Variants in ZEB2 observed in about 807,000 individuals in gnomAD.
ZEB2 encodes zinc finger E-box-binding homeobox 2.
ZEB2 carries 6 observed loss-of-function variants against 99.9 expected under a neutral mutation model. That is an observed-to-expected ratio of 0.06 (90% CI 0.03 to 0.12). ZEB2 has a LOEUF of 0.12. ZEB2 is among the 10% of genes least tolerant of loss of function. The pLI is 1.00. For synonymous variants in ZEB2, 517 were observed against 542.5 expected, an observed-to-expected ratio of 0.95 and a Z score of 0.65; for missense variants, 969 against 1,502.8, an observed-to-expected ratio of 0.64 and a Z score of 5.87.
At chr2:144,514,701 C>A (rs932012509) in intron 2 of ZEB2, among the ~76,000 whole-genome samples, 2 of 152,160 alleles carry the variant, frequency 1.3e-5, no homozygotes, top group South Asian at 2.1e-4. Context: ...AAAACACTTA[C>A]AATAACCAGT....
At chr2:144,489,127 A>G (rs183244608) in intron 2 of ZEB2, among the ~76,000 whole-genome samples, 1 of 152,332 alleles carries the variant, frequency 6.6e-6, no homozygotes, top group Non-Finnish European at 1.5e-5. Flanking sequence ...TATTTAACAT[A>G]AAGTTTATGT....
intron 4 of ZEB2, among the ~76,000 whole-genome samples, chr2:144,408,280 T>A (rs1470125899): frequency 6.6e-6 from 1 of 152,236 alleles, no homozygotes; most frequent in East Asian, 1.9e-4. Context: ...TTAACACTAA[T>A]CTTGGTGTAG....
intron 2 of ZEB2, chr2:144,448,624 A>C (rs1411209483): frequency 6.6e-6 from 1 of 152,292 alleles, no homozygotes; most frequent in African/African-American, 2.4e-5. Context: ...TGATATAATT[A>C]CTAGAGGCTA....
intron 1 of ZEB2, chr2:144,519,399 T>A (rs1486082006): frequency 1.3e-5 from 2 of 152,678 alleles, no homozygotes; most frequent in African/African-American, 2.4e-5. Flanking sequence ...GACAACTTTC[T>A]GCTTAGAAAA....
chr2:144,407,533 T>G (rs1409331237), intron 4 of ZEB2, among the ~76,000 whole-genome samples: 1 of 152,224 alleles, frequency 6.6e-6, no homozygotes, highest in Non-Finnish European at 1.5e-5. Flanking sequence ...CTCATTGTTT[T>G]GGATCATCAA....
intron 2 of ZEB2, among the ~76,000 whole-genome samples, chr2:144,474,950 T>A (rs558756477): frequency 6.6e-6 from 1 of 152,196 alleles, no homozygotes; most frequent in Non-Finnish European, 1.5e-5. Context: ...TCAACAAGCA[T>A]GGGAAATTTT....
rs1306045887 is a variant in ZEB2 at position 144,429,929 on chromosome 2, G to T, written c.171C>A (p.Asp57Glu). ...GCACACTAGCTGGACTCGTCTCCTG[G>T]TCCAGAGGGTTGGCAATACCGTCAT... The part of the protein sequence containing the change: ...AEDDGIANPL[D>E]QETSPASVPN... Residue 57 changes from aspartate to glutamate, a missense_variant, in exon 3 of 10, where the codon GAC becomes GAA. Transcript: ENST00000627532. 5 of 1,613,718 alleles carry T rather than the reference G, an allele frequency of 3.1e-6. No individual in the cohort carries two copies. The South Asian group carries it at 5.5e-5, about 18-fold the overall frequency.
chr2:144,461,790 CA>C (rs1177970412), intron 2 of ZEB2: 1 of 151,980 alleles, frequency 6.6e-6, no homozygotes, highest in Non-Finnish European at 1.5e-5. Flanking sequence ...CAGGTTTCTA[CA>C]GCAACTAGTT....
chr2:144,434,599 A>G (rs1703813584), intron 2 of ZEB2, among the ~76,000 whole-genome samples: 2 of 152,178 alleles, frequency 1.3e-5, no homozygotes, highest in Non-Finnish European at 2.9e-5. Context: ...TAAACCCCAC[A>G]TGACCAGAGT....
At chr2:144,407,109 T>C (rs1703398175) in intron 4 of ZEB2, among the ~76,000 whole-genome samples, 1 of 152,162 alleles carries the variant, frequency 6.6e-6, no homozygotes, top group Non-Finnish European at 1.5e-5. Context: ...TAAACAAATA[T>C]ATGGGACCAA....
At chr2:144,396,339 G>A in intron 9 of ZEB2, 73 bp downstream of exon 9, 2 of 1,548,586 alleles carry the variant, frequency 1.3e-6, no homozygotes, top group East Asian at 4.5e-5. Context: ...TGTTGCACAA[G>A]TGTGCTCATT....
At position 144,425,062 on chromosome 2, in the gene ZEB2, T is replaced by C. The variant is rs150108009; in HGVS notation, c.332-195A>G. On this transcript the variant is annotated intron_variant, in intron 3 of 9. Coordinates refer to ENST00000627532, the MANE Select transcript of ZEB2 (RefSeq NM_014795.4). ...TAGCTGCACAAGAACTTATTTACTT[T>C]AAGCATTACTGCAAGCTGTGAAAAA... The C allele has an allele frequency of 2.5e-3, 1,525 of 600,532 alleles. 4 individuals carry two copies. Among genetic ancestry groups the C allele is most frequent in the Middle Eastern group, 8.6e-3 (19 of 2,218 alleles). 37.2% of individuals were successfully genotyped at this position (600,532 alleles called of 1,614,324 possible). A position where few individuals can be genotyped will look rare whatever the true frequency, so the allele number is the denominator to read the frequency against.
chr2:144,487,463 A>G (rs776094433), intron 2 of ZEB2, among the ~76,000 whole-genome samples: 1 of 152,196 alleles, frequency 6.6e-6, no homozygotes. Context: ...GCCATAAAAC[A>G]GGCAAAAAAG....
Position 144,400,078 on chromosome 2 carries a change from C to T in ZEB2, c.1109G>A (p.Arg370Lys). ...SPTNSAITQL[R>K]NKLENGKPLS... ...TGGTTTTCCATTCTCCAACTTGTTT[C>T]TTAACTGGGTAATGGCTGAATTAGT... is the stretch of plus-strand genomic sequence containing the variant. Residue 370 changes from arginine to lysine, a missense_variant, in exon 8 of 10, where the codon AGA becomes AAA. Physicochemically the swap from Arg to Lys is conservative, Grantham distance 26. Around this residue, in one of 8 missense-constraint regions of ZEB2, gnomAD observed 227 missense variants for 278.2 expected, o/e 0.82. Coordinates refer to ENST00000627532, the MANE Select transcript of ZEB2 (RefSeq NM_014795.4). The T allele has an allele frequency of 6.2e-7, 1 of 1,613,636 alleles. No individual in the cohort carries two copies. The highest frequency in any genetic ancestry group is 8.5e-7 in the Non-Finnish European group (1 of 1,179,516).
intron 9 of ZEB2, among the ~76,000 whole-genome samples, chr2:144,392,773 G>A (rs1401511638): frequency 6.6e-6 from 1 of 152,136 alleles, no homozygotes; most frequent in East Asian, 1.9e-4. Flanking sequence ...ATTTCCACAT[G>A]ACCAAGATTC....
At chr2:144,503,012 T>C (rs1704896377) in intron 2 of ZEB2, among the ~76,000 whole-genome samples, 1 of 152,208 alleles carries the variant, frequency 6.6e-6, no homozygotes, top group Admixed American at 6.5e-5. Flanking sequence ...GGAATTTATG[T>C]GACAATCCAG....
intron 9 of ZEB2, among the ~76,000 whole-genome samples, chr2:144,393,619 C>T (rs760334020): frequency 2.6e-5 from 4 of 152,138 alleles, no homozygotes; most frequent in Admixed American, 6.5e-5. Context: ...GGGATAGGAA[C>T]ATGGACTAAA....
At chr2:144,513,790 C>T in intron 2 of ZEB2, 2 of 1,536,134 alleles carry the variant, frequency 1.3e-6, no homozygotes, top group Non-Finnish European at 1.7e-6. Flanking sequence ...TCATTTCTGA[C>T]TCCAAGGCTG....
intron 2 of ZEB2, among the ~76,000 whole-genome samples, chr2:144,437,082 C>T (rs950911423): frequency 6.6e-6 from 1 of 152,146 alleles, no homozygotes; most frequent in Admixed American, 6.6e-5. Flanking sequence ...AACATACAGG[C>T]CCCTGACCGC....
Sources: gnomAD v4.1 joint callset for allele counts (sites outside exome capture counted in the v4.1 genomes callset) on GRCh38, gnomAD v4.1.1 for gene constraint, gnomAD v4.1.1 regional missense constraint, MANE v1.5 for transcripts, NCBI Gene and HGNC (gene_info 2026-07-23, HGNC 2026-07-21) for gene names.